Variants in DEDD observed in about 807,000 individuals in gnomAD.
The protein encoded by DEDD is death effector domain-containing protein.
Under a neutral mutation model 29.2 loss-of-function variants are expected in DEDD, and 3 were observed. The observed-to-expected ratio is 0.10, with a 90% confidence interval of 0.05 to 0.27. DEDD has a LOEUF of 0.27. DEDD is among the 10% of genes least tolerant of loss of function. The pLI is 1.00. For synonymous variants in DEDD, 152 were observed against 161.3 expected (o/e 0.94, Z 0.44); for missense variants, 261 against 420.5 (o/e 0.62, Z 3.32).
At position 161,122,646 on chromosome 1, in the gene DEDD, C is replaced by G. The variant is rs1162799029; in HGVS notation, c.581-123G>C. The G allele has an allele frequency of 8.1e-7, 1 of 1,239,950 alleles. No homozygotes were observed. The highest frequency in any genetic ancestry group is 1.1e-6 in the Non-Finnish European group (1 of 902,754). The allele number at this position is 1,239,950 out of a possible 1,614,324, so 76.8% of individuals were successfully genotyped here. On this transcript the variant is annotated intron_variant, in intron 5 of 5. Transcript: ENST00000368006. The surrounding 1 kb of genome is among the most constrained non-coding windows in gnomAD (Gnocchi z 4.2). ...TAGGGAATATCACCTGACAGCTTCT[C>G]TACCTCTTCCCCAGGACTATTTCTA...
intron 2 of DEDD, 165 bp from the exon 3 acceptor site, chr1:161,124,691 G>A (rs1655966089): frequency 2.2e-6 from 2 of 924,646 alleles, no homozygotes; most frequent in Admixed American, 3.4e-5. Context: ...GCCAGGCACA[G>A]GGGCTCACAC....
In DEDD at chr1:161,124,245, C is replaced by T. The variant is rs748771242; in HGVS notation, c.218G>A (p.Arg73His). Residue 73 changes from arginine (R) to histidine (H), a missense_variant, in exon 3 of 6, where the codon CGC becomes CAC. Arg to His is a conservative substitution (Grantham distance 29). Around this residue, in one of 2 missense-constraint regions of DEDD, gnomAD observed 203 missense variants for 268.7 expected, o/e 0.76. Coordinates refer to ENST00000368006, the MANE Select transcript of DEDD (RefSeq NM_032998.3). ...NGRDFLLALERQGRCDESNFR... is the reference protein window; with the variant it reads ...NGRDFLLALEHQGRCDESNFR... ...GTTACTTTCATCACAGCGGCCCTGG[C>T]GCTCCAGTGCCAATAAGAAGTCACG... The T allele has an allele frequency of 6.2e-6, 10 of 1,614,094 alleles. No individual in the cohort carries two copies. Among genetic ancestry groups the T allele is most frequent in the African/African-American group, 2.7e-5 (2 of 74,938 alleles).
chr1:161,130,432 G>GA (rs1337549939), intron 2 of DEDD, among the ~76,000 whole-genome samples: 2 of 152,142 alleles, frequency 1.3e-5, no homozygotes, highest in Non-Finnish European at 2.9e-5. Flanking sequence ...AGCTGAAAGA[G>GA]AAAGTTAGAG....
intron 2 of DEDD, among the ~76,000 whole-genome samples, chr1:161,126,675 C>T (rs919880383): frequency 2.0e-5 from 3 of 152,128 alleles, no homozygotes; most frequent in Non-Finnish European, 2.9e-5. Flanking sequence ...CACATCAAGC[C>T]TTCTAAGATC....
At chr1:161,125,899 CTT>C (rs1302896673) in intron 2 of DEDD, among the ~76,000 whole-genome samples, 1 of 152,208 alleles carries the variant, frequency 6.6e-6, no homozygotes, top group East Asian at 1.9e-4. Context: ...TAGTTTGGCT[CTT>C]GATTCACAAA....
intron 3 of DEDD, 46 bp downstream of exon 3, chr1:161,124,092 G>T (rs1335715049): frequency 1.3e-6 from 2 of 1,586,948 alleles, no homozygotes; most frequent in African/African-American, 2.7e-5. Flanking sequence ...CTCCTTCCTG[G>T]CCTCCCACAA....
chr1:161,129,942 A>T (rs933759294), intron 2 of DEDD, among the ~76,000 whole-genome samples: 1 of 152,180 alleles, frequency 6.6e-6, no homozygotes, highest in African/African-American at 2.4e-5. Context: ...TCTTTAGAGA[A>T]GTCCAAGTCA....
intron 5 of DEDD, 25 bp downstream of exon 5, chr1:161,123,050 C>T (rs373852129): frequency 6.7e-5 from 108 of 1,614,104 alleles, no homozygotes; most frequent in Non-Finnish European, 8.9e-5. Context: ...TCTGCTCCAT[C>T]TCTGGAACCC....
In DEDD at chr1:161,122,053, G is replaced by A; in HGVS notation, c.*94C>T. On this transcript the variant is annotated 3_prime_UTR_variant, in exon 6 of 6. Transcript: ENST00000368006. The surrounding 1 kb of genome is among the most constrained non-coding windows in gnomAD (Gnocchi z 4.2). ...AAAAAAAAAAAAAAGGCAGGGGTGT[G>A]ATTGGTTGGAAGGGTAGAGAACAAA... The A allele has an allele frequency of 7.2e-7, 1 of 1,391,592 alleles. No homozygotes were observed. Among genetic ancestry groups the A allele is most frequent in the Non-Finnish European group, 9.6e-7 (1 of 1,038,414 alleles). 86.2% of individuals were successfully genotyped at this position (1,391,592 alleles called of 1,614,324 possible). A position where few individuals can be genotyped will look rare whatever the true frequency, so the allele number is the denominator to read the frequency against.
At chr1:161,126,343 CTTTTTT>C (rs538174697) in intron 2 of DEDD, among the ~76,000 whole-genome samples, 1 of 132,506 alleles carries the variant, frequency 7.5e-6, no homozygotes, top group African/African-American at 2.9e-5. Context: ...ACTCCAAACT[CTTTTTT>C]TTTTTTTTTT....
Position 161,123,197 on chromosome 1 carries a change from C to T in DEDD, c.458G>A (p.Cys153Tyr), listed in dbSNP as rs1203903878. Residue 153 changes from cysteine to tyrosine, a missense_variant, in exon 5 of 6, where the codon TGT (cysteine) becomes TAT (tyrosine). Physicochemically the swap from Cys to Tyr is radical, Grantham distance 194. This residue lies in a region of DEDD where 203 missense variants were observed against 268.7 expected (regional missense o/e 0.76). Coordinates refer to ENST00000368006, the MANE Select transcript of DEDD (RefSeq NM_032998.3). The part of the protein sequence containing the change: ...KTVPPHYPVV[C>Y]CPTSGPQMCS... Reference sequence around the variant, plus strand: ...CATCTGAGGACCCGAAGTGGGGCAACACACCACAGGATAGTGGGGAGGCAC... The same window carrying T: ...CATCTGAGGACCCGAAGTGGGGCAATACACCACAGGATAGTGGGGAGGCAC... 5 of 1,614,142 alleles carry T rather than the reference C, an allele frequency of 3.1e-6. No individual in the cohort carries two copies. The highest frequency in any genetic ancestry group is 4.2e-6 in the Non-Finnish European group (5 of 1,180,040).
intron 5 of DEDD, 30 bp downstream of exon 5, chr1:161,123,045 T>A: frequency 1.2e-6 from 2 of 1,614,224 alleles, no homozygotes; most frequent in Non-Finnish European, 1.7e-6. Context: ...TCAAGTCTGC[T>A]CCATCTCTGG....
chr1:161,122,549 A>G lies in DEDD; in HGVS notation c.581-26T>C, dbSNP rs754711157. On this transcript the variant is annotated intron_variant, in intron 5 of 5. Transcript: ENST00000368006. The surrounding 1 kb of genome is among the most constrained non-coding windows in gnomAD (Gnocchi z 4.2). ...CTGTTGGAAACAGAAGATACAGAGC[A>G]GAAGAGGTTACAGTAAGGGATGAGT... The G allele has an allele frequency of 1.2e-6, 2 of 1,602,028 alleles. No individual in the cohort carries two copies. Among genetic ancestry groups the G allele is most frequent in the African/African-American group, 1.3e-5 (1 of 74,430 alleles).
chr1:161,124,602 G>A, intron 2 of DEDD, 76 bp from the exon 3 acceptor site: 4 of 1,440,896 alleles, frequency 2.8e-6, no homozygotes, highest in Non-Finnish European at 3.6e-6. Context: ...ATTCCCAGTT[G>A]CTAACAATGC....
Sources: allele counts gnomAD v4.1 joint callset (sites outside exome capture counted in the v4.1 genomes callset), GRCh38; gene constraint gnomAD v4.1.1; regional missense constraint gnomAD v4.1.1; non-coding constraint Gnocchi (gnomAD v3.1); transcripts MANE v1.5; gene names NCBI Gene and HGNC (gene_info 2026-07-23, HGNC 2026-07-21).